CNTNAP5: variants seen among roughly 807,000 people sequenced by gnomAD.
CNTNAP5 encodes contactin associated protein family member 5.
A neutral mutation model predicts 150.2 loss-of-function variants in CNTNAP5; 72 were observed. That is an observed-to-expected ratio of 0.48 (90% CI 0.40 to 0.58). CNTNAP5 has a LOEUF of 0.58. Ranked by LOEUF, CNTNAP5 falls within the 20% of genes least tolerant of loss-of-function variation. CNTNAP5 has a pLI of 0.00. For synonymous variants in CNTNAP5, 672 were observed against 619.8 expected (o/e 1.08, Z -1.25); for missense variants, 1,636 against 1,626.2 (o/e 1.01, Z -0.10).
chr2:124,617,196 C>T (rs1482248095), intron 12 of CNTNAP5, among the ~76,000 whole-genome samples: 1 of 151,474 alleles, frequency 6.6e-6, no homozygotes, highest in Non-Finnish European at 1.5e-5. Context: ...CATAGGGTTG[C>T]CACAAATCTT....
rs947322330 is a variant in CNTNAP5 at position 124,747,368 on chromosome 2, C to T, written c.2217C>T (p.Asp739=). ...CLDIQHFCNC[D]ADKDEWTNDT... is the part of the protein sequence containing the mutation. ...ACATTCAGCACTTTTGCAATTGCGACGCTGACAAGGATGAATGGTAATGAG... is the reference window on the plus strand; with the variant it reads ...ACATTCAGCACTTTTGCAATTGCGATGCTGACAAGGATGAATGGTAATGAG... The change falls in exon 14 of 24, where the codon GAC becomes GAT. Residue 739 remains aspartate, a synonymous_variant. Transcript: ENST00000682447. 3.1e-5 allele frequency: 50 copies of T among 1,613,690 alleles called. No homozygotes were observed. The highest frequency in any genetic ancestry group is 7.7e-5 in the South Asian group (7 of 91,078).
At chr2:124,706,904 G>A (rs1284064201) in intron 13 of CNTNAP5, among the ~76,000 whole-genome samples, 18 of 5,304 alleles carry the variant, frequency 3.4e-3, no homozygotes, top group Admixed American at 5.1e-3. Context: ...GAAGAAGAAG[G>A]AGGAGGAGGA....
At chr2:124,613,476 C>A (rs1192085546) in intron 12 of CNTNAP5, among the ~76,000 whole-genome samples, 2 of 152,224 alleles carry the variant, frequency 1.3e-5, no homozygotes, top group Non-Finnish European at 2.9e-5. Context: ...GCTTCCACAG[C>A]CTTTCCTCGT....
intron 3 of CNTNAP5, among the ~76,000 whole-genome samples, chr2:124,278,481 C>G (rs1384630304): frequency 1.3e-5 from 2 of 152,102 alleles, no homozygotes; most frequent in Non-Finnish European, 2.9e-5. Flanking sequence ...CATGGGTTCA[C>G]TTTCTATCCA....
rs571019177 is a variant in CNTNAP5, at chr2:124,338,739, A to C, written c.382-78704A>C. Among the ~76,000 whole-genome samples, 3 of 152,202 alleles carry C rather than the reference A, an allele frequency of 2.0e-5. No homozygotes were observed. In the East Asian group the frequency reaches 5.8e-4, roughly 30 times the overall value. On this transcript the variant is annotated intron_variant, in intron 3 of 23. Coordinates refer to ENST00000682447, the MANE Select transcript of CNTNAP5 (RefSeq NM_001367498.1). ...GGAGGTTGCGGAAAAAACAAGAAAA[A>C]GTTAAAAAGTCCTTAGTTCTGAGGC... is the stretch of plus-strand genomic sequence containing the variant.
At chr2:124,164,361 C>A (rs1684758356) in intron 1 of CNTNAP5, among the ~76,000 whole-genome samples, 1 of 152,194 alleles carries the variant, frequency 6.6e-6, no homozygotes, top group South Asian at 2.1e-4. Context: ...CTCCCCATTG[C>A]TTTCACACCC....
intron 3 of CNTNAP5, among the ~76,000 whole-genome samples, chr2:124,272,955 C>T (rs1335647745): frequency 6.6e-6 from 1 of 152,176 alleles, no homozygotes; most frequent in Non-Finnish European, 1.5e-5. Flanking sequence ...GTCATTTCCT[C>T]AAGAATTCTG....
intron 19 of CNTNAP5, among the ~76,000 whole-genome samples, chr2:124,822,511 T>C (rs962012133): frequency 2.0e-5 from 3 of 152,134 alleles, no homozygotes. Context: ...CATGATGCAA[T>C]TACCAGTCCC....
At chr2:124,220,918 T>C (rs1442619955) in intron 1 of CNTNAP5, among the ~76,000 whole-genome samples, 1 of 152,118 alleles carries the variant, frequency 6.6e-6, no homozygotes, top group Non-Finnish European at 1.5e-5. Context: ...TGAAGAGCAG[T>C]TCCTTTCCAT....
chr2:124,511,395 T>C (rs578025133), intron 8 of CNTNAP5, among the ~76,000 whole-genome samples: 2 of 152,262 alleles, frequency 1.3e-5, no homozygotes, highest in South Asian at 4.1e-4. Context: ...AAGTTTTTGT[T>C]TGTTTGTTTG....
chr2:124,465,674 A>C (rs1693360012), intron 6 of CNTNAP5, among the ~76,000 whole-genome samples: 2 of 152,166 alleles, frequency 1.3e-5, no homozygotes, highest in Non-Finnish European at 2.9e-5. Context: ...ACATTCAACA[A>C]ATGTTTCTTT....
chr2:124,315,775 GA>G (rs1360283301), intron 3 of CNTNAP5, among the ~76,000 whole-genome samples: 2 of 151,940 alleles, frequency 1.3e-5, no homozygotes, highest in East Asian at 2.0e-4. Flanking sequence ...TGCATAGCTT[GA>G]AAAAAATCTA....
chr2:124,616,098 A>C (rs976676060), intron 12 of CNTNAP5, among the ~76,000 whole-genome samples: 1 of 152,156 alleles, frequency 6.6e-6, no homozygotes, highest in African/African-American at 2.4e-5. Flanking sequence ...TATGGATCCT[A>C]GGATTTTGAG....
chr2:124,333,987 TACA>T (rs1278853733), intron 3 of CNTNAP5, among the ~76,000 whole-genome samples: 69 of 152,250 alleles, frequency 4.5e-4, no homozygotes, highest in African/African-American at 1.6e-3. Context: ...AGTGTCCTCT[TACA>T]GTACAAAGTA....
intron 19 of CNTNAP5, among the ~76,000 whole-genome samples, chr2:124,840,695 T>C (rs146252051): frequency 1.3e-5 from 2 of 152,226 alleles, no homozygotes; most frequent in African/African-American, 4.8e-5. Context: ...CAACTTAACG[T>C]TGTGAAAACA....
chr2:124,505,861 C>G (rs1694394296), intron 8 of CNTNAP5, among the ~76,000 whole-genome samples: 1 of 152,174 alleles, frequency 6.6e-6, no homozygotes, highest in Admixed American at 6.5e-5. Context: ...AGAAGTCTCC[C>G]TGAATAAACA....
At chr2:124,850,722 G>A (rs1055209973) in intron 19 of CNTNAP5, among the ~76,000 whole-genome samples, 7 of 152,160 alleles carry the variant, frequency 4.6e-5, no homozygotes, top group East Asian at 3.9e-4. Flanking sequence ...AGGTGACATC[G>A]AGAAATCAGC....
At position 124,538,576 on chromosome 2, in the gene CNTNAP5, AGAAG is replaced by A. The variant is rs1197879447; in HGVS notation, c.1649+11128_1649+11131del. Among the ~76,000 whole-genome samples, 4 of 151,194 alleles carry A rather than the reference AGAAG, an allele frequency of 2.6e-5. No individual in the cohort carries two copies. The East Asian group carries it at 7.8e-4, about 29-fold the overall frequency. On this transcript the variant is annotated intron_variant, in intron 10 of 23. Coordinates refer to ENST00000682447, the MANE Select transcript of CNTNAP5 (RefSeq NM_001367498.1). ...AGAAAGAAAGAAAAGAAAGAAAGAAAGAAGGAAGGAAAGAAAGAAAGGAAGGAAG... is the reference window on the plus strand; with the variant it reads ...AGAAAGAAAGAAAAGAAAGAAAGAAAGAAGGAAAGAAAGAAAGGAAGGAAG...
In CNTNAP5 at chr2:124,919,841, C is replaced by T. The variant is rs1678839367; in HGVS notation, c.*5553C>T. Among the ~76,000 whole-genome samples the T allele has an allele frequency of 6.6e-6, 1 of 151,774 alleles. No individual in the cohort carries two copies. The highest frequency in any genetic ancestry group is 6.6e-5 in the Admixed American group (1 of 15,210). ...TATCTAACCTGCCCAGGTTAAGCAC[C>T]CAGATGCAACTTTCAGGAAATGAAA... On this transcript the variant is annotated 3_prime_UTR_variant, in exon 24 of 24. Coordinates refer to ENST00000682447, the MANE Select transcript of CNTNAP5 (RefSeq NM_001367498.1).
Sources: gnomAD v4.1 joint callset for allele counts (sites outside exome capture counted in the v4.1 genomes callset) on GRCh38, gnomAD v4.1.1 for gene constraint, MANE v1.5 for transcripts, NCBI Gene and HGNC (gene_info 2026-07-23, HGNC 2026-07-21) for gene names.